DGKB: variants seen among roughly 807,000 people sequenced by gnomAD.
The protein encoded by DGKB is diacylglycerol kinase beta.
A neutral mutation model predicts 114.3 loss-of-function variants in DGKB; 67 were observed. That is an observed-to-expected ratio of 0.59 (90% CI 0.48 to 0.72). The LOEUF (loss-of-function observed/expected upper bound fraction) is 0.72, where lower values mean the gene tolerates loss of function less well. Among genes scored for constraint, DGKB ranks in the 30% least tolerant of loss-of-function variants. The pLI, the probability that DGKB is intolerant of heterozygous loss-of-function variation, is 0.00. For missense variants in DGKB, 907 were observed against 975.2 expected (o/e 0.93, Z 0.93); for synonymous variants, 398 against 323.1 (o/e 1.23, Z -2.49).
intron 23 of DGKB, among the ~76,000 whole-genome samples, chr7:14,227,830 A>G (rs1261619055): frequency 6.6e-6 from 1 of 152,096 alleles, no homozygotes; most frequent in African/African-American, 2.4e-5. Flanking sequence ...TTAAAATTTT[A>G]TCTATTCTCT....
rs1405313466 is a variant in DGKB at position 14,428,269 on chromosome 7, T to A, written c.1835+49892A>T. ...TCAGTTCTGTTCTCTGAGCCCCTTA[T>A]TACTCTCATCAGTGACTTTTTACTG... On this transcript the variant is annotated intron_variant, in intron 21 of 25. Transcript: ENST00000402815. Among the ~76,000 whole-genome samples, 4 of 152,126 alleles carry A rather than the reference T, an allele frequency of 2.6e-5. No homozygotes were observed. The East Asian group carries it at 7.7e-4, about 29-fold the overall frequency.
chr7:14,680,053 T>C (rs1271436912), intron 12 of DGKB, among the ~76,000 whole-genome samples: 1 of 151,918 alleles, frequency 6.6e-6, no homozygotes, highest in African/African-American at 2.4e-5. Context: ...ATAAGACCCC[T>C]AAAGCTCATT....
chr7:14,281,248 T>C (rs1799906383), intron 23 of DGKB, among the ~76,000 whole-genome samples: 1 of 151,230 alleles, frequency 6.6e-6, no homozygotes, highest in Non-Finnish European at 1.5e-5. Context: ...CCAACAAAGA[T>C]CAAAAGAGAC....
At chr7:14,542,602 A>G (rs188665738) in intron 20 of DGKB, among the ~76,000 whole-genome samples, 30 of 152,156 alleles carry the variant, frequency 2.0e-4, no homozygotes, top group African/African-American at 7.2e-4. Flanking sequence ...TGTAGCTGCC[A>G]CTCCCCAGCA....
intron 21 of DGKB, among the ~76,000 whole-genome samples, chr7:14,467,106 A>G (rs1049991223): frequency 2.0e-5 from 3 of 151,598 alleles, no homozygotes; most frequent in African/African-American, 7.3e-5. Flanking sequence ...TTTATGCTTA[A>G]TGAGTTTTTG....
intron 13 of DGKB, among the ~76,000 whole-genome samples, chr7:14,663,973 A>C (rs1466171174): frequency 6.6e-6 from 1 of 151,906 alleles, no homozygotes; most frequent in East Asian, 1.9e-4. Flanking sequence ...TCCAGCTACA[A>C]AGCTGGACTT....
chr7:14,439,140 T>A (rs1829703341), intron 21 of DGKB, among the ~76,000 whole-genome samples: 1 of 152,112 alleles, frequency 6.6e-6, no homozygotes, highest in Admixed American at 6.6e-5. Flanking sequence ...AAGGAGGAGT[T>A]ACTTTCATTA....
At chr7:14,440,802 T>A (rs1373378286) in intron 21 of DGKB, among the ~76,000 whole-genome samples, 2 of 152,192 alleles carry the variant, frequency 1.3e-5, no homozygotes, top group Non-Finnish European at 2.9e-5. Context: ...GACAAGTTGC[T>A]CTTCAAAGTG....
chr7:14,389,499 G>A (rs934613894), intron 21 of DGKB, among the ~76,000 whole-genome samples: 1 of 152,160 alleles, frequency 6.6e-6, no homozygotes. Flanking sequence ...AGCGAGCCAT[G>A]GTACCTGTTC....
chr7:14,893,589 C>T (rs1172946603), intron 1 of DGKB, among the ~76,000 whole-genome samples: 2 of 151,308 alleles, frequency 1.3e-5, no homozygotes, highest in Admixed American at 6.6e-5. Context: ...TATCTCTTTC[C>T]TAGTTCGTTG....
At chr7:14,745,881 G>A (rs574433708) in intron 4 of DGKB, among the ~76,000 whole-genome samples, 44 of 152,280 alleles carry the variant, frequency 2.9e-4, no homozygotes, top group Middle Eastern at 6.8e-3. Context: ...CTGCATCACT[G>A]GCATTTCTCC....
chr7:14,823,520 A>G (rs1845236270), intron 2 of DGKB, among the ~76,000 whole-genome samples: 1 of 152,148 alleles, frequency 6.6e-6, no homozygotes, highest in African/African-American at 2.4e-5. Flanking sequence ...GGGAAAACTG[A>G]GAGAACTAAT....
Position 14,345,441 on chromosome 7 carries a change from G to T in DGKB, c.1836-50C>A, listed in dbSNP as rs10231063. On this transcript the variant is annotated intron_variant, in intron 21 of 25. Coordinates refer to ENST00000402815, the MANE Select transcript of DGKB (RefSeq NM_001350709.2). ...CTTAGGCAATTATCAATAACAGAGG[G>T]ATCTTTTAAAAAATGGTCTAACTCT... The T allele has an allele frequency of 1.2e-5, 12 of 976,502 alleles. No homozygotes were observed. The African/African-American group carries it at 1.8e-4, about 15-fold the overall frequency. 60.5% of individuals were successfully genotyped at this position (976,502 alleles called of 1,614,324 possible).
intron 25 of DGKB, among the ~76,000 whole-genome samples, chr7:14,154,586 T>C (rs1782704460): frequency 6.6e-6 from 1 of 151,916 alleles, no homozygotes; most frequent in Admixed American, 6.6e-5. Context: ...ATGTTAACTA[T>C]TAGTAATAGA....
chr7:14,347,538 G>A (rs182255915), intron 21 of DGKB, among the ~76,000 whole-genome samples: 1 of 152,066 alleles, frequency 6.6e-6, no homozygotes, highest in African/African-American at 2.4e-5. Flanking sequence ...AATCTTGCAT[G>A]ATCTCACTTA....
At chr7:14,398,918 G>A (rs1248728782) in intron 21 of DGKB, among the ~76,000 whole-genome samples, 1 of 151,876 alleles carries the variant, frequency 6.6e-6, no homozygotes, top group East Asian at 1.9e-4. Context: ...GAAAGATCTA[G>A]GGGCTGCTCG....
At chr7:14,757,463 G>C (rs1381442799) in intron 3 of DGKB, among the ~76,000 whole-genome samples, 192 bp downstream of exon 3, 1 of 147,962 alleles carries the variant, frequency 6.8e-6, no homozygotes, top group African/African-American at 2.6e-5. Context: ...ATGGTAAATG[G>C]TTTATGGTGT....
chr7:14,538,601 T>G (rs767520489), intron 20 of DGKB, among the ~76,000 whole-genome samples: 22 of 152,128 alleles, frequency 1.4e-4, no homozygotes, highest in Non-Finnish European at 2.8e-4. Flanking sequence ...AAAATTGAAC[T>G]ACCATATGTT....
chr7:14,597,439 T>C (rs17602216), intron 17 of DGKB, among the ~76,000 whole-genome samples: 4,583 of 152,282 alleles, frequency 0.03, 110 homozygotes, highest in Non-Finnish European at 0.043. Context: ...TAGTTGTAAA[T>C]ATAATTTGTA....
Sources: gnomAD v4.1 joint callset for allele counts (sites outside exome capture counted in the v4.1 genomes callset) on GRCh38, gnomAD v4.1.1 for gene constraint, MANE v1.5 for transcripts, NCBI Gene and HGNC (gene_info 2026-07-23, HGNC 2026-07-21) for gene names.